Variants in C1orf21 observed in about 807,000 individuals in gnomAD.
C1orf21 encodes chromosome 1 open reading frame 21.
Under a neutral mutation model 18.7 loss-of-function variants are expected in C1orf21, and 3 were observed. The observed-to-expected ratio is 0.16, with a 90% CI of 0.07 to 0.42. The LOEUF (loss-of-function observed/expected upper bound fraction) is 0.42, where lower values mean the gene tolerates loss of function less well. C1orf21 is among the 10% of genes least tolerant of loss of function. The pLI, the probability that C1orf21 is intolerant of heterozygous loss-of-function variation, is 0.99. For missense variants in C1orf21, 104 were observed against 143.6 expected, an observed-to-expected ratio of 0.72 and a Z score of 1.41; for synonymous variants, 41 against 46.4, an observed-to-expected ratio of 0.88 and a Z score of 0.47.
chr1:184,439,397 T>C (rs1336234749), intron 1 of C1orf21, among the ~76,000 whole-genome samples: 1 of 150,810 alleles, frequency 6.6e-6, no homozygotes, highest in Admixed American at 6.7e-5. Flanking sequence ...GTGAGGATAA[T>C]GAAATCATCT....
chr1:184,481,116 A>G (rs1031983576), intron 2 of C1orf21, among the ~76,000 whole-genome samples: 4 of 152,130 alleles, frequency 2.6e-5, no homozygotes, highest in African/African-American at 9.7e-5. Flanking sequence ...CTGAAGAGCT[A>G]GGTAGGAAAT....
At chr1:184,459,657 T>C (rs1342748200) in intron 1 of C1orf21, among the ~76,000 whole-genome samples, 1 of 152,122 alleles carries the variant, frequency 6.6e-6, no homozygotes, top group Admixed American at 6.6e-5. Flanking sequence ...TGGGGGTAGA[T>C]TATCTAAAAA....
intron 3 of C1orf21, among the ~76,000 whole-genome samples, chr1:184,571,741 G>A (rs943616362): frequency 6.6e-5 from 10 of 152,236 alleles, no homozygotes; most frequent in African/African-American, 2.2e-4. Context: ...GGAACATAAG[G>A]GGGGAGTTTA....
intron 1 of C1orf21, among the ~76,000 whole-genome samples, chr1:184,439,344 A>T (rs6695258): frequency 6.6e-6 from 1 of 151,390 alleles, no homozygotes; most frequent in Non-Finnish European, 1.5e-5. Flanking sequence ...CACCTTGAAC[A>T]GGTTACTTAC....
At chr1:184,517,970 A>T (rs190984296) in intron 3 of C1orf21, among the ~76,000 whole-genome samples, 71 of 152,268 alleles carry the variant, frequency 4.7e-4, no homozygotes, top group Admixed American at 2.0e-4. Context: ...CTACCTGAAC[A>T]TTTAGTTTCT....
Position 184,584,139 on chromosome 1 carries a change from T to TG in C1orf21, c.190-6600_190-6599insG. 2.7e-5 allele frequency among the ~76,000 whole-genome samples: 4 copies of TG among 146,668 alleles called. No individual in the cohort carries two copies. In the South Asian group the frequency reaches 8.6e-4, roughly 31 times the overall value. On this transcript the variant is annotated intron_variant, in intron 3 of 5. Coordinates refer to ENST00000235307, the MANE Select transcript of C1orf21 (RefSeq NM_030806.4). ...TTGTTTGCTTGTTCTTCTTCTTTTT[T>TG]TTTTTTTTTTTTTTTTAAGAAAGCA...
At chr1:184,459,496 C>T (rs1021583778) in intron 1 of C1orf21, among the ~76,000 whole-genome samples, 1 of 152,160 alleles carries the variant, frequency 6.6e-6, no homozygotes, top group African/African-American at 2.4e-5. Flanking sequence ...TTTCTTATAA[C>T]AGAAATTTAT....
intron 5 of C1orf21, among the ~76,000 whole-genome samples, chr1:184,615,292 G>A (rs555561292): frequency 6.6e-6 from 1 of 152,266 alleles, no homozygotes; most frequent in East Asian, 1.9e-4. Flanking sequence ...ATTTTGGTAG[G>A]CAAAGGTTCC....
intron 3 of C1orf21, among the ~76,000 whole-genome samples, chr1:184,575,342 T>C (rs1027037535): frequency 7.2e-5 from 11 of 152,108 alleles, no homozygotes; most frequent in African/African-American, 2.7e-4. Context: ...AAAATAATTA[T>C]AGCACAACAG....
intron 3 of C1orf21, among the ~76,000 whole-genome samples, chr1:184,572,452 T>C (rs1054176186): frequency 6.6e-6 from 1 of 152,208 alleles, no homozygotes; most frequent in African/African-American, 2.4e-5. Flanking sequence ...AGACAGCAGA[T>C]GTAGCACTCA....
At chr1:184,484,519 C>T (rs753270328) in intron 2 of C1orf21, among the ~76,000 whole-genome samples, 13 of 152,228 alleles carry the variant, frequency 8.5e-5, no homozygotes, top group Non-Finnish European at 1.5e-4. Context: ...GTTAGCTCCC[C>T]GAAGGCAGGA....
At chr1:184,582,240 T>G (rs1659285534) in intron 3 of C1orf21, among the ~76,000 whole-genome samples, 1 of 152,254 alleles carries the variant, frequency 6.6e-6, no homozygotes, top group African/African-American at 2.4e-5. Flanking sequence ...TCTTAGAGAT[T>G]ACATCCTGTG....
chr1:184,390,842 T>A (rs185154740), intron 1 of C1orf21, among the ~76,000 whole-genome samples: 50 of 152,328 alleles, frequency 3.3e-4, no homozygotes, highest in African/African-American at 1.2e-3. Flanking sequence ...ATAAAAATTA[T>A]GCTTAATTGG....
chr1:184,593,982 A>T (rs1320676582), intron 4 of C1orf21, among the ~76,000 whole-genome samples: 1 of 152,246 alleles, frequency 6.6e-6, no homozygotes, highest in African/African-American at 2.4e-5. Flanking sequence ...ATAAAAGCGA[A>T]GTGAGGGAGT....
intron 2 of C1orf21, among the ~76,000 whole-genome samples, chr1:184,506,673 T>A (rs929022580): frequency 6.6e-6 from 1 of 152,180 alleles, no homozygotes; most frequent in African/African-American, 2.4e-5. Flanking sequence ...TGATTCAGAG[T>A]CACACCTATT....
At chr1:184,510,339 T>C (rs908258179) in intron 3 of C1orf21, among the ~76,000 whole-genome samples, 1 of 152,162 alleles carries the variant, frequency 6.6e-6, no homozygotes, top group African/African-American at 2.4e-5. Context: ...GAGAAACAGA[T>C]AAATAAGGAA....
intron 2 of C1orf21, among the ~76,000 whole-genome samples, chr1:184,503,466 C>T (rs1658007391): frequency 6.6e-6 from 1 of 152,038 alleles, no homozygotes; most frequent in Non-Finnish European, 1.5e-5. Context: ...CCCCTCAAGA[C>T]AGCTGGTTTT....
intron 3 of C1orf21, among the ~76,000 whole-genome samples, chr1:184,556,079 AAACACACACAC>A (rs1658874953): frequency 6.6e-6 from 1 of 151,906 alleles, no homozygotes; most frequent in South Asian, 2.1e-4. Context: ...CCCCAACCCC[AAACACACACAC>A]AACACACACA....
intron 1 of C1orf21, among the ~76,000 whole-genome samples, chr1:184,473,311 A>C (rs1300451938): frequency 1.3e-5 from 2 of 152,192 alleles, no homozygotes; most frequent in Non-Finnish European, 2.9e-5. Flanking sequence ...TGTGACAACA[A>C]AAGTCTCAGA....
Sources: allele counts gnomAD v4.1 joint callset (sites outside exome capture counted in the v4.1 genomes callset), GRCh38; gene constraint gnomAD v4.1.1; transcripts MANE v1.5; gene names NCBI Gene and HGNC (gene_info 2026-07-23, HGNC 2026-07-21).